The following GTF3C1 variants were observed in gnomAD, a reference collection of about 807,000 sequenced individuals.
GTF3C1 encodes the protein general transcription factor 3C polypeptide 1.
GTF3C1 carries 57 observed loss-of-function variants against 226.7 expected under a neutral mutation model. The ratio of observed to expected loss-of-function variants is 0.25; its 90% CI spans 0.20 to 0.31. The LOEUF (loss-of-function observed/expected upper bound fraction) is 0.31, where lower values mean the gene tolerates loss of function less well. Ranked by LOEUF, GTF3C1 falls within the 10% of genes least tolerant of loss-of-function variation. The pLI, the probability that GTF3C1 is intolerant of heterozygous loss-of-function variation, is 1.00. For synonymous variants in GTF3C1, 1,090 were observed against 1,084.8 expected (o/e 1.00, Z -0.09); for missense variants, 2,217 against 2,776.1 (o/e 0.80, Z 4.53).
chr16:27,523,997 C>T (rs1475539961), intron 6 of GTF3C1, among the ~76,000 whole-genome samples: 2 of 152,204 alleles, frequency 1.3e-5, no homozygotes, highest in Non-Finnish European at 2.9e-5. Context: ...GTAAGTCATG[C>T]TAATCTTTCT....
At chr16:27,498,774 A>G (rs1357850683) in intron 12 of GTF3C1, 41 bp from the exon 13 acceptor site, 1 of 948,080 alleles carries the variant, frequency 1.1e-6, no homozygotes, top group Admixed American at 1.8e-5. Context: ...GTGAGGGAAG[A>G]GCTGAGGAAG....
rs1042119487 is a variant in GTF3C1, at chr16:27,461,388, G to C, written c.6292C>G (p.Pro2098Ala). Residue 2098 changes from proline (P) to alanine (A), a missense_variant, in exon 37 of 37, where the codon CCC becomes GCC. This residue lies in a region of GTF3C1 where 153 missense variants were observed against 199.8 expected (regional missense o/e 0.77). Coordinates refer to ENST00000356183, the MANE Select transcript of GTF3C1 (RefSeq NM_001520.4). This position sits in a 1 kb window ranked among gnomAD's most constrained non-coding sequence, Gnocchi z 5.3. ...CACTTGTTCCAGTTGACCTCGTGGG[G>C]GAACACACGGCCCAGCCGGAGGGTA... ...DCTLRLGRVFPHEVNWNKWIH... is the reference protein window; with the variant it reads ...DCTLRLGRVFAHEVNWNKWIH... 1 of 1,613,516 alleles carries C rather than the reference G, an allele frequency of 6.2e-7. No individual in the cohort carries two copies. Among genetic ancestry groups the C allele is most frequent in the Non-Finnish European group, 8.5e-7 (1 of 1,179,554 alleles).
chr16:27,484,244 A>G lies in GTF3C1; in HGVS notation c.3968T>C (p.Ile1323Thr). The change falls in exon 25 of 37, where the codon ATA becomes ACA. Residue 1323 changes from isoleucine to threonine, a missense_variant. Ile to Thr is a moderately conservative substitution (Grantham distance 89). Around this residue, in one of 12 missense-constraint regions of GTF3C1, gnomAD observed 546 missense variants for 663.0 expected, o/e 0.82. Coordinates refer to ENST00000356183, the MANE Select transcript of GTF3C1 (RefSeq NM_001520.4). ...SHSVGRRARY[I>T]VKNPQAYLNY... ...GAGATAGGCCTGTGGGTTTTTGACT[A>G]TGTAGCGAGCTCTTCGTCCAACGGA... The G allele has an allele frequency of 6.2e-7, 1 of 1,609,098 alleles. No individual in the cohort carries two copies. Among genetic ancestry groups the G allele is most frequent in the Non-Finnish European group, 8.5e-7 (1 of 1,175,474 alleles).
chr16:27,541,161 G>A (rs951702146), intron 2 of GTF3C1, among the ~76,000 whole-genome samples: 1 of 152,150 alleles, frequency 6.6e-6, no homozygotes, highest in Non-Finnish European at 1.5e-5. Flanking sequence ...GCTTGTATTA[G>A]CAGTGAGCTG....
intron 23 of GTF3C1, among the ~76,000 whole-genome samples, chr16:27,487,634 A>G (rs568854366): frequency 3.9e-5 from 6 of 152,292 alleles, no homozygotes; most frequent in African/African-American, 1.4e-4. Context: ...TCTCTACTAA[A>G]AATATAAAAT....
chr16:27,469,363 T>G lies in GTF3C1; in HGVS notation c.5002A>C (p.Ile1668Leu), dbSNP rs1274849729. 2.5e-6 allele frequency: 4 copies of G among 1,608,704 alleles called. No individual in the cohort carries two copies. In the Admixed American group the frequency reaches 6.8e-5, roughly 27 times the overall value. Residue 1668 changes from isoleucine to leucine, a missense_variant, in exon 32 of 37, where the codon ATT (isoleucine) becomes CTT (leucine). By Grantham distance (5) the Ile-to-Leu change is conservative. Around this residue, in one of 12 missense-constraint regions of GTF3C1, gnomAD observed 455 missense variants for 441.9 expected, o/e 1.03. Coordinates refer to ENST00000356183, the MANE Select transcript of GTF3C1 (RefSeq NM_001520.4). The surrounding 1 kb of genome is among the most constrained non-coding windows in gnomAD (Gnocchi z 4.5). The stretch of plus-strand genomic sequence containing the variant: ...TTCATCTGGCAGGAGTTGACCACAA[T>G]GCTGTCGTTGGGGTTGAGGTTGCGG... Reference protein sequence around the residue: ...STRNLNPNDSIVVNSCQMKFQ... With the variant: ...STRNLNPNDSLVVNSCQMKFQ...
Position 27,464,717 on chromosome 16 carries a change from G to C in GTF3C1, c.5475C>G (p.Ala1825=), listed in dbSNP as rs35870192. Residue 1825 remains alanine, a synonymous_variant, in exon 34 of 37, where the codon GCC becomes GCG. Coordinates refer to ENST00000356183, the MANE Select transcript of GTF3C1 (RefSeq NM_001520.4). Reference sequence around the variant, plus strand: ...CCTGGGGGTCTTCTCTCTGGATGTCGGCGTCTTCTCTGTCTTTCAGCCGCA... The same window carrying C: ...CCTGGGGGTCTTCTCTCTGGATGTCCGCGTCTTCTCTGTCTTTCAGCCGCA... The part of the protein sequence containing the change: ...HSVRLKDRED[A]DIQREDPQAR... 1 of 1,595,554 alleles carries C rather than the reference G, an allele frequency of 6.3e-7. No homozygotes were observed. Among genetic ancestry groups the C allele is most frequent in the African/African-American group, 1.3e-5 (1 of 74,652 alleles).
Position 27,476,441 on chromosome 16 carries a change from C to T in GTF3C1, c.4353+10G>A, listed in dbSNP as rs547462291. ...CATCCCCGCTGTGCTGCCGGGCAGC[C>T]GACACCCACCTGGAATGACTGGTAG... On this transcript the variant is annotated intron_variant, in intron 29 of 36. Transcript: ENST00000356183. The T allele has an allele frequency of 8.9e-6, 14 of 1,576,596 alleles. No homozygotes were observed. The highest frequency in any genetic ancestry group is 5.4e-5 in the African/African-American group (4 of 74,322).
intron 6 of GTF3C1, among the ~76,000 whole-genome samples, chr16:27,518,987 C>T (rs1415247963): frequency 2.0e-5 from 3 of 152,238 alleles, no homozygotes; most frequent in Non-Finnish European, 4.4e-5. Context: ...AGCAGACTAG[C>T]AGGGCCAGCC....
intron 11 of GTF3C1, among the ~76,000 whole-genome samples, 199 bp downstream of exon 11, chr16:27,502,660 A>G (rs1276323965): frequency 6.6e-6 from 1 of 152,000 alleles, no homozygotes; most frequent in Non-Finnish European, 1.5e-5. Flanking sequence ...CCTTTTGAGG[A>G]GGAGATACTC....
intron 24 of GTF3C1, 88 bp from the exon 25 acceptor site, chr16:27,484,441 G>T: frequency 2.3e-6 from 2 of 875,420 alleles, no homozygotes; most frequent in South Asian, 1.5e-5. Context: ...GACAAAATGT[G>T]TTTTGTGCAG....
intron 6 of GTF3C1, among the ~76,000 whole-genome samples, chr16:27,524,867 C>T (rs939676085): frequency 6.6e-6 from 1 of 152,224 alleles, no homozygotes; most frequent in Non-Finnish European, 1.5e-5. Flanking sequence ...AAATCAAATA[C>T]TGAGGGCTGA....
Position 27,470,790 on chromosome 16 carries a change from G to A in GTF3C1, c.4527-395C>T. 1 of 211,786 alleles carries A rather than the reference G, an allele frequency of 4.7e-6. No homozygotes were observed. Among genetic ancestry groups the A allele is most frequent in the African/African-American group, 2.3e-5 (1 of 43,672 alleles). 13.1% of individuals were successfully genotyped at this position (211,786 alleles called of 1,614,324 possible). A position where few individuals can be genotyped will look rare whatever the true frequency, so the allele number is the denominator to read the frequency against. ...GCCCTGGTCTTACACATGTGCCCAA[G>A]CTGTCTCCACGCAGTGCCTGGTGAG... On this transcript the variant is annotated intron_variant, in intron 30 of 36. Transcript: ENST00000356183. The surrounding 1 kb of genome is among the most constrained non-coding windows in gnomAD (Gnocchi z 4.9).
At position 27,463,512 on chromosome 16, in the gene GTF3C1, A is replaced by T; in HGVS notation, c.5924+29T>A. 7.2e-7 allele frequency: 1 copy of T among 1,390,598 alleles called. No homozygotes were observed. The highest frequency in any genetic ancestry group is 1.0e-6 in the Non-Finnish European group (1 of 977,502). The allele number at this position is 1,390,598 out of a possible 1,614,324, so 86.1% of individuals were successfully genotyped here. ...CGGTCCCTGTCAAGAGCCCCGCCCC[A>T]GGCCCCGGAGCCAGAACCCCACACC... On this transcript the variant is annotated intron_variant, in intron 35 of 36. Coordinates refer to ENST00000356183, the MANE Select transcript of GTF3C1 (RefSeq NM_001520.4). This position sits in a 1 kb window ranked among gnomAD's most constrained non-coding sequence, Gnocchi z 4.9.
chr16:27,461,256 G>T lies in GTF3C1; in HGVS notation c.*94C>A. 1.3e-6 allele frequency: 1 copy of T among 761,072 alleles called. No homozygotes were observed. Among genetic ancestry groups the T allele is most frequent in the South Asian group, 1.8e-5 (1 of 56,010 alleles). The allele number at this position is 761,072 out of a possible 1,614,324, so 47.1% of individuals were successfully genotyped here. A position where few individuals can be genotyped will look rare whatever the true frequency, so the allele number is the denominator to read the frequency against. On this transcript the variant is annotated 3_prime_UTR_variant, in exon 37 of 37. Coordinates refer to ENST00000356183, the MANE Select transcript of GTF3C1 (RefSeq NM_001520.4). This position sits in a 1 kb window ranked among gnomAD's most constrained non-coding sequence, Gnocchi z 5.3. ...GTCCCCTGCTGCAGGAGGCTCGGCA[G>T]ACCCAAGGCCAGGGCACAGTGGGGT... is the stretch of plus-strand genomic sequence containing the variant.
At chr16:27,503,510 C>G (rs141510397) in intron 10 of GTF3C1, among the ~76,000 whole-genome samples, 1 of 152,108 alleles carries the variant, frequency 6.6e-6, no homozygotes, top group African/African-American at 2.4e-5. Context: ...TGACTCCAGA[C>G]GGAAGAAACC....
chr16:27,468,566 C>T (rs767078031), intron 32 of GTF3C1, among the ~76,000 whole-genome samples: 14 of 152,094 alleles, frequency 9.2e-5, no homozygotes, highest in East Asian at 1.9e-4. Flanking sequence ...GAGCTATCAT[C>T]GTGCCACTGC....
chr16:27,498,637 C>T lies in GTF3C1; in HGVS notation c.2158G>A (p.Ala720Thr), dbSNP rs775874235. The T allele has an allele frequency of 3.2e-6, 5 of 1,556,300 alleles. No homozygotes were observed. Among genetic ancestry groups the T allele is most frequent in the Non-Finnish European group, 4.4e-6 (5 of 1,127,102 alleles). Residue 720 changes from alanine to threonine, a missense_variant, in exon 13 of 37, where the codon GCC becomes ACC. Physicochemically the swap from Ala to Thr is moderately conservative, Grantham distance 58. This residue lies in a region of GTF3C1 where 100 missense variants were observed against 139.9 expected (regional missense o/e 0.71). Coordinates refer to ENST00000356183, the MANE Select transcript of GTF3C1 (RefSeq NM_001520.4). The part of the protein sequence containing the change: ...VRFRISNSST[A>T]NRVKTSQPPV... ...CCGGGCACCTCCACTTGCCTGTTGG[C>T]TGTGCTTGAATTGGAGATCCGGAAG...
chr16:27,536,222 G>A (rs565505525), intron 4 of GTF3C1, among the ~76,000 whole-genome samples: 1 of 152,346 alleles, frequency 6.6e-6, no homozygotes, highest in South Asian at 2.1e-4. Context: ...AACAAAATAT[G>A]TGTTAACTAA....
Sources: gnomAD v4.1 joint callset for allele counts (sites outside exome capture counted in the v4.1 genomes callset) on GRCh38, gnomAD v4.1.1 for gene constraint, gnomAD v4.1.1 regional missense constraint, Gnocchi (gnomAD v3.1) non-coding constraint, MANE v1.5 for transcripts, NCBI Gene and HGNC (gene_info 2026-07-23, HGNC 2026-07-21) for gene names.